The following ADCY2 variants were observed in gnomAD, a reference collection of about 807,000 sequenced individuals.
ADCY2 encodes the protein adenylate cyclase type 2.
In ADCY2, 31 loss-of-function variants were observed where a neutral mutation model predicts 125.2. The observed-to-expected ratio is 0.25, with a 90% CI of 0.19 to 0.33. The LOEUF (loss-of-function observed/expected upper bound fraction) is 0.33, where lower values mean the gene tolerates loss of function less well. Ranked by LOEUF, ADCY2 falls within the 10% of genes least tolerant of loss-of-function variation. The pLI is 1.00. For missense variants in ADCY2, 904 were observed against 1,418.2 expected, an observed-to-expected ratio of 0.64 and a Z score of 5.82; for synonymous variants, 512 against 548.4, an observed-to-expected ratio of 0.93 and a Z score of 0.93.
At chr5:7,488,018 G>T (rs559315027) in intron 2 of ADCY2, among the ~76,000 whole-genome samples, 35 of 152,136 alleles carry the variant, frequency 2.3e-4, no homozygotes, top group Non-Finnish European at 4.4e-4. Context: ...AAAACATTAT[G>T]ATATTAATCA....
At chr5:7,460,088 T>A (rs917125352) in intron 2 of ADCY2, among the ~76,000 whole-genome samples, 21 of 152,052 alleles carry the variant, frequency 1.4e-4, no homozygotes, top group East Asian at 1.9e-4. Context: ...GCCCAGCTGT[T>A]TAAGAGGTAA....
At chr5:7,748,283 C>T (rs1742690976) in intron 15 of ADCY2, among the ~76,000 whole-genome samples, 1 of 152,130 alleles carries the variant, frequency 6.6e-6, no homozygotes, top group South Asian at 2.1e-4. Flanking sequence ...CTTCGTCACA[C>T]TGCATTGAAA....
chr5:7,684,551 T>G (rs1198047442), intron 4 of ADCY2, among the ~76,000 whole-genome samples: 2 of 152,254 alleles, frequency 1.3e-5, no homozygotes, highest in Non-Finnish European at 2.9e-5. Context: ...CTTCTCTAAC[T>G]GCTAACTGAA....
intron 3 of ADCY2, among the ~76,000 whole-genome samples, chr5:7,538,872 T>G (rs1734906049): frequency 6.8e-6 from 1 of 147,008 alleles, no homozygotes; most frequent in East Asian, 2.0e-4. Flanking sequence ...TTTCTTTTTT[T>G]TTTTTTTTTG....
intron 18 of ADCY2, among the ~76,000 whole-genome samples, chr5:7,779,642 G>A (rs933965246): frequency 3.3e-5 from 5 of 152,182 alleles, no homozygotes; most frequent in East Asian, 1.9e-4. Flanking sequence ...TCTTTTCTAA[G>A]CAGGAGCCTA....
At chr5:7,800,866 G>A (rs1045467419) in intron 20 of ADCY2, 1 of 152,198 alleles carries the variant, frequency 6.6e-6, no homozygotes, top group Non-Finnish European at 1.5e-5. Flanking sequence ...GCTGTCTACC[G>A]AGGATATGAG....
intron 2 of ADCY2, among the ~76,000 whole-genome samples, chr5:7,473,531 A>C (rs1742416392): frequency 1.3e-5 from 2 of 152,200 alleles, no homozygotes; most frequent in Non-Finnish European, 2.9e-5. Context: ...CATTGGGAAT[A>C]AAATGTCAAC....
chr5:7,469,410 C>T (rs993589174), intron 2 of ADCY2, among the ~76,000 whole-genome samples: 2 of 151,818 alleles, frequency 1.3e-5, no homozygotes, highest in Non-Finnish European at 2.9e-5. Context: ...ATGGCTCTAT[C>T]CTATTTGTCA....
chr5:7,527,344 G>A (rs189215142), intron 3 of ADCY2, among the ~76,000 whole-genome samples: 9 of 152,304 alleles, frequency 5.9e-5, no homozygotes, highest in Middle Eastern at 3.4e-3. Context: ...CTGTACTTTT[G>A]TAGGTTAGTA....
chr5:7,822,642 C>T (rs561652671), intron 24 of ADCY2, among the ~76,000 whole-genome samples: 2 of 152,186 alleles, frequency 1.3e-5, no homozygotes, highest in Non-Finnish European at 2.9e-5. Flanking sequence ...AACACATACA[C>T]CTGATTGTAC....
At chr5:7,532,718 G>C (rs574627990) in intron 3 of ADCY2, among the ~76,000 whole-genome samples, 1 of 151,916 alleles carries the variant, frequency 6.6e-6, no homozygotes, top group Admixed American at 6.6e-5. Context: ...CAAATCATTC[G>C]TGGACAAGAC....
intron 1 of ADCY2, among the ~76,000 whole-genome samples, chr5:7,403,933 A>G (rs934170280): frequency 2.6e-4 from 31 of 117,954 alleles, no homozygotes; most frequent in Middle Eastern, 4.0e-3. Flanking sequence ...TATCCTTTCA[A>G]TGCTACACAC....
At chr5:7,522,352 C>G (rs1278972102) in intron 3 of ADCY2, 3 of 152,168 alleles carry the variant, frequency 2.0e-5, no homozygotes, top group Non-Finnish European at 4.4e-5. Flanking sequence ...TCCCCAACCC[C>G]TAGCCCCTGG....
At chr5:7,439,584 A>G (rs1740933534) in intron 2 of ADCY2, among the ~76,000 whole-genome samples, 2 of 152,050 alleles carry the variant, frequency 1.3e-5, no homozygotes, top group Admixed American at 6.6e-5. Flanking sequence ...GTACATATAC[A>G]TTATGCATAT....
chr5:7,528,399 G>A (rs1162790544), intron 3 of ADCY2, among the ~76,000 whole-genome samples: 3 of 139,994 alleles, frequency 2.1e-5, no homozygotes, highest in Admixed American at 2.1e-4. Flanking sequence ...TTTCATGTTG[G>A]TAACTAACAA....
chr5:7,708,018 T>C, intron 9 of ADCY2, 180 bp downstream of exon 9: 1 of 674,386 alleles, frequency 1.5e-6, no homozygotes, highest in Non-Finnish European at 2.3e-6. Flanking sequence ...TTCAAATACT[T>C]ATTAAATGAG....
Position 7,690,837 on chromosome 5 carries a change from G to C in ADCY2, c.867G>C (p.Val289=), listed in dbSNP as rs1465949298. ...HNLYVKRHTN[V]SILYADIVGF... ...TGTATGTGAAGCGGCATACAAACGTGAGGTACGACGCTATGCTTGCTCCTT... is the reference window on the plus strand; with the variant it reads ...TGTATGTGAAGCGGCATACAAACGTCAGGTACGACGCTATGCTTGCTCCTT... Residue 289 remains valine (V), a splice_region_variant and synonymous_variant, in exon 5 of 25, where the codon GTG becomes GTC. Coordinates refer to ENST00000338316, the MANE Select transcript of ADCY2 (RefSeq NM_020546.3). 1.3e-6 allele frequency: 2 copies of C among 1,580,928 alleles called. No individual in the cohort carries two copies. Among genetic ancestry groups the C allele is most frequent in the Non-Finnish European group, 1.7e-6 (2 of 1,165,866 alleles).
At chr5:7,479,635 T>A (rs1017637801) in intron 2 of ADCY2, among the ~76,000 whole-genome samples, 19 of 26,910 alleles carry the variant, frequency 7.1e-4, no homozygotes, top group African/African-American at 2.8e-3. Flanking sequence ...CAATTAAAAT[T>A]TTTTTTTTTT....
chr5:7,777,672 C>T (rs1743776950), intron 18 of ADCY2, among the ~76,000 whole-genome samples: 1 of 152,204 alleles, frequency 6.6e-6, no homozygotes, highest in African/African-American at 2.4e-5. Flanking sequence ...ATGGCAAGGC[C>T]TTTTCAGAAC....
Sources: allele counts gnomAD v4.1 joint callset (sites outside exome capture counted in the v4.1 genomes callset), GRCh38; gene constraint gnomAD v4.1.1; transcripts MANE v1.5; gene names NCBI Gene and HGNC (gene_info 2026-07-23, HGNC 2026-07-21).